Variants in CTNNA2 observed in about 807,000 individuals in gnomAD.
CTNNA2 encodes the protein catenin alpha-2.
Under a neutral mutation model 101.0 loss-of-function variants are expected in CTNNA2, and 42 were observed. That is an observed-to-expected ratio of 0.42 (90% CI 0.32 to 0.54). The LOEUF (loss-of-function observed/expected upper bound fraction) is 0.54. Among genes scored for constraint, CTNNA2 ranks in the 20% least tolerant of loss-of-function variants. CTNNA2 has a pLI of 0.14. For missense variants in CTNNA2, 871 were observed against 1,223.1 expected, an observed-to-expected ratio of 0.71 and a Z score of 4.29; for synonymous variants, 450 against 456.4, an observed-to-expected ratio of 0.99 and a Z score of 0.18.
chr2:79,412,758 A>C (rs1678431199), intron 4 of CTNNA2, among the ~76,000 whole-genome samples: 1 of 152,154 alleles, frequency 6.6e-6, no homozygotes, highest in Admixed American at 6.6e-5. Context: ...GTGTAGAGGG[A>C]AATTTATAGC....
chr2:80,362,559 A>T (rs1674513093), intron 7 of CTNNA2, among the ~76,000 whole-genome samples: 1 of 152,142 alleles, frequency 6.6e-6, no homozygotes, highest in Non-Finnish European at 1.5e-5. Context: ...TTGTCATTTT[A>T]GATGCTGAAA....
At chr2:79,548,569 G>T (rs1373631841) in intron 1 of CTNNA2, among the ~76,000 whole-genome samples, 2 of 152,182 alleles carry the variant, frequency 1.3e-5, no homozygotes, top group African/African-American at 4.8e-5. Context: ...AATCACATCT[G>T]TTTGGGAAGC....
intron 7 of CTNNA2, among the ~76,000 whole-genome samples, chr2:80,269,323 A>G (rs765315552): frequency 1.3e-5 from 2 of 152,140 alleles, no homozygotes; most frequent in Non-Finnish European, 2.9e-5. Context: ...TTGCTCAGCA[A>G]TCATTCTTCT....
At position 80,073,723 on chromosome 2, in the gene CTNNA2, C is replaced by T. The variant is rs189803771; in HGVS notation, c.1056+163926C>T. ...TTGTTCATAAAACAAACCTCTCTCT[C>T]TCTCTGTCACACACACACACACACA... is the stretch of plus-strand genomic sequence containing the variant. On this transcript the variant is annotated intron_variant, in intron 7 of 18. Coordinates refer to ENST00000402739, the MANE Select transcript of CTNNA2 (RefSeq NM_001282597.3). 8.9e-4 allele frequency among the ~76,000 whole-genome samples: 112 copies of T among 125,720 alleles called. No homozygotes were observed. In the East Asian group the frequency reaches 0.026, roughly 29 times the overall value. The allele number at this position is 125,720 out of a possible 152,430, so 82.5% of individuals were successfully genotyped here. A position where few individuals can be genotyped will look rare whatever the true frequency, so the allele number is the denominator to read the frequency against.
Position 79,320,260 on chromosome 2 carries a change from A to ATTTTTT in CTNNA2, c.-318+7483_-318+7488dup, listed in dbSNP as rs34694986. On this transcript the variant is annotated intron_variant, in intron 3 of 21. Coordinates refer to the CTNNA2 transcript ENST00000466387. ...TCATAGTACCTACCTTTACGTTTCA[A>ATTTTTT]TTTTTTTTTTTTTTTTTTTTTTTTA... Among the ~76,000 whole-genome samples the ATTTTTT allele has an allele frequency of 1.1e-3, 129 of 119,776 alleles. 2 individuals carry two copies. Among genetic ancestry groups the ATTTTTT allele is most frequent in the African/African-American group, 3.5e-3 (112 of 31,586 alleles). The allele number at this position is 119,776 out of a possible 152,430, so 78.6% of individuals were successfully genotyped here. A position where few individuals can be genotyped will look rare whatever the true frequency, so the allele number is the denominator to read the frequency against.
chr2:80,621,341 G>GA (rs761417059), intron 18 of CTNNA2, among the ~76,000 whole-genome samples: 8 of 152,026 alleles, frequency 5.3e-5, no homozygotes, highest in Non-Finnish European at 7.4e-5. Context: ...ATTAAATCCA[G>GA]AAAAAACATT....
chr2:80,075,341 C>G (rs1211922708), intron 7 of CTNNA2, among the ~76,000 whole-genome samples: 1 of 151,902 alleles, frequency 6.6e-6, no homozygotes, highest in Non-Finnish European at 1.5e-5. Context: ...TACCTGAATT[C>G]TACTCTGGGC....
intron 12 of CTNNA2, among the ~76,000 whole-genome samples, chr2:80,573,955 A>T (rs1426547544): frequency 6.6e-6 from 1 of 152,118 alleles, no homozygotes; most frequent in East Asian, 1.9e-4. Context: ...CCATGCATAG[A>T]ATAACAATTG....
At position 80,550,018 on chromosome 2, in the gene CTNNA2, G is replaced by A. The variant is rs544912696; in HGVS notation, c.1540+3955G>A. On this transcript the variant is annotated intron_variant, in intron 11 of 18. Coordinates refer to ENST00000402739, the MANE Select transcript of CTNNA2 (RefSeq NM_001282597.3). ...CCAAGTATGGTCTTCTGACCAAAAA[G>A]TTCATGTTCATGTCTATGTAAACAG... is the stretch of plus-strand genomic sequence containing the variant. Among the ~76,000 whole-genome samples the A allele has an allele frequency of 9.8e-4, 149 of 152,266 alleles. 1 individual carries two copies. Among genetic ancestry groups the A allele is most frequent in the African/African-American group, 3.3e-3 (139 of 41,580 alleles).
At chr2:80,620,224 T>A (rs1553411551) in intron 18 of CTNNA2, among the ~76,000 whole-genome samples, 1 of 151,738 alleles carries the variant, frequency 6.6e-6, no homozygotes, top group Non-Finnish European at 1.5e-5. Flanking sequence ...TTATGAGTAT[T>A]ATAAAATATA....
chr2:79,565,467 T>C, intron 1 of CTNNA2, among the ~76,000 whole-genome samples: 1 of 152,146 alleles, frequency 6.6e-6, no homozygotes, highest in Admixed American at 6.5e-5. Context: ...TATACTTGGC[T>C]GTCTCAGTGA....
intron 4 of CTNNA2, among the ~76,000 whole-genome samples, chr2:79,423,292 T>A (rs918290973): frequency 6.6e-6 from 1 of 152,128 alleles, no homozygotes; most frequent in Non-Finnish European, 1.5e-5. Context: ...GTTGCAGACA[T>A]GTAAGTAAAG....
At chr2:79,503,746 G>C (rs1671353087) in intron 4 of CTNNA2, among the ~76,000 whole-genome samples, 1 of 152,134 alleles carries the variant, frequency 6.6e-6, no homozygotes, top group Admixed American at 6.5e-5. Context: ...TGTGTTTGTT[G>C]TGAGGGCTTA....
At chr2:79,795,017 C>G (rs912607183) in intron 3 of CTNNA2, among the ~76,000 whole-genome samples, 4 of 152,158 alleles carry the variant, frequency 2.6e-5, no homozygotes, top group Admixed American at 6.5e-5. Context: ...ATGAATCAGT[C>G]TAACTGTGAA....
chr2:79,678,587 C>A (rs993095507), intron 2 of CTNNA2, among the ~76,000 whole-genome samples: 1 of 151,990 alleles, frequency 6.6e-6, no homozygotes, highest in African/African-American at 2.4e-5. Flanking sequence ...TAGTTTCTTC[C>A]TTTGACCCCA....
chr2:80,305,272 G>C (rs187885974), intron 7 of CTNNA2: 202 of 985,344 alleles, frequency 2.1e-4, no homozygotes, highest in African/African-American at 1.7e-3. Context: ...AACCCACCTA[G>C]TTTGGGAAGC....
chr2:79,408,448 TC>T (rs1290739596), intron 4 of CTNNA2, among the ~76,000 whole-genome samples: 1 of 127,872 alleles, frequency 7.8e-6, no homozygotes, highest in Admixed American at 8.1e-5. Context: ...ATGCTATCCC[TC>T]CCCCCTCCCC....
chr2:80,568,560 G>GGTGTGT (rs1234919156), intron 12 of CTNNA2, among the ~76,000 whole-genome samples: 3 of 104,654 alleles, frequency 2.9e-5, no homozygotes, highest in African/African-American at 1.2e-4. Context: ...GTGCTATAAT[G>GGTGTGT]GTGTGCGTGT....
At chr2:79,807,868 C>T (rs957465959) in intron 3 of CTNNA2, among the ~76,000 whole-genome samples, 2 of 152,064 alleles carry the variant, frequency 1.3e-5, no homozygotes, top group Non-Finnish European at 2.9e-5. Context: ...AACTGGATTT[C>T]CTGTCGATTT....
Sources: allele counts gnomAD v4.1 joint callset (sites outside exome capture counted in the v4.1 genomes callset), GRCh38; gene constraint gnomAD v4.1.1; transcripts MANE v1.5; gene names NCBI Gene and HGNC (gene_info 2026-07-23, HGNC 2026-07-21).